AGBL1: variants seen among roughly 807,000 people sequenced by gnomAD.
The protein encoded by AGBL1 is AGBL carboxypeptidase 1, also known as cytosolic carboxypeptidase 4.
AGBL1 carries 130 observed loss-of-function variants against 118.9 expected under a neutral mutation model. The observed-to-expected ratio is 1.09, with a 90% confidence interval of 0.95 to 1.26. The LOEUF is 1.26. Ranked by LOEUF, AGBL1 falls within the 50% of genes most tolerant of loss-of-function variation. The probability of loss-of-function intolerance (pLI) is 0.00; values close to 1 mark genes in which losing one functional copy is unlikely to be tolerated. For synonymous variants in AGBL1, 555 were observed against 478.9 expected (o/e 1.16, Z -2.08); for missense variants, 1,584 against 1,298.1 (o/e 1.22, Z -3.38).
intron 16 of AGBL1, among the ~76,000 whole-genome samples, chr15:86,286,360 T>G (rs924942563): frequency 1.3e-5 from 2 of 152,054 alleles, no homozygotes; most frequent in African/African-American, 4.8e-5. Flanking sequence ...TTCTGTGTAT[T>G]ATTATAAGCT....
In AGBL1 at chr15:86,264,263, G is replaced by A. The variant is rs1428451964; in HGVS notation, c.1092G>A (p.Leu364=). Residue 364 remains leucine (L), a synonymous_variant, in exon 11 of 23, where the codon CTG becomes CTA. Transcript: ENST00000614907. Reference sequence around the variant, plus strand: ...ATTCCATTTTGAACCTGAAGGAACTGCAGTCCAAACTTGGAGATGATTTGA... The same window carrying A: ...ATTCCATTTTGAACCTGAAGGAACTACAGTCCAAACTTGGAGATGATTTGA... The part of the protein sequence containing the change: ...CLELSYSFEE[L]QSKLGDDLNS... The A allele has an allele frequency of 6.3e-7, 1 of 1,590,150 alleles. No homozygotes were observed.
Position 86,477,371 on chromosome 15 carries a change from T to C in AGBL1, c.2556-45439T>C, listed in dbSNP as rs557020641. 3.3e-5 allele frequency among the ~76,000 whole-genome samples: 5 copies of C among 152,134 alleles called. No homozygotes were observed. In the South Asian group the frequency reaches 8.3e-4, roughly 25 times the overall value. The stretch of plus-strand genomic sequence containing the variant: ...AAGAAGAAAAGAGAGAAGAATCAAA[T>C]AGACGCAATAAAAAATGATAAAGGG... On this transcript the variant is annotated intron_variant, in intron 18 of 22. Coordinates refer to ENST00000614907, the MANE Select transcript of AGBL1 (RefSeq NM_001386094.1).
chr15:86,543,568 G>T (rs2083534302), intron 19 of AGBL1, among the ~76,000 whole-genome samples: 1 of 152,336 alleles, frequency 6.6e-6, no homozygotes, highest in Middle Eastern at 3.4e-3. Context: ...GAAGTTAGAG[G>T]CTTTGCCTTA....
rs151130166 is a variant in AGBL1 at position 86,506,860 on chromosome 15, C to T, written c.2556-15950C>T. 1.1e-3 allele frequency among the ~76,000 whole-genome samples: 173 copies of T among 152,036 alleles called. 1 individual carries two copies. Among genetic ancestry groups the T allele is most frequent in the South Asian group, 0.011 (51 of 4,808 alleles). Reference sequence around the variant, plus strand: ...AGATTTTCTCACCTTTAATGGAGAGCAACAAAGAAGGAAAGCAGGTATCAT... The same window carrying T: ...AGATTTTCTCACCTTTAATGGAGAGTAACAAAGAAGGAAAGCAGGTATCAT... On this transcript the variant is annotated intron_variant, in intron 18 of 22. Transcript: ENST00000614907.
chr15:86,137,327 G>C (rs969135080), intron 1 of AGBL1, among the ~76,000 whole-genome samples: 1 of 152,196 alleles, frequency 6.6e-6, no homozygotes, highest in Non-Finnish European at 1.5e-5. Context: ...TCTCTGGTTT[G>C]TTTGTGAAAC....
In AGBL1 at chr15:86,538,041, G is replaced by A. The variant is rs181975928; in HGVS notation, c.2686-7961G>A. Among the ~76,000 whole-genome samples the A allele has an allele frequency of 1.2e-3, 188 of 152,310 alleles. 1 individual carries two copies. Among genetic ancestry groups the A allele is most frequent in the African/African-American group, 4.4e-3 (181 of 41,582 alleles). On this transcript the variant is annotated intron_variant, in intron 19 of 22. Transcript: ENST00000614907. ...AAAGAACATTATAATACATGCTGCT[G>A]AGGTGAGATGGCCAAAAACGTCCTT...
chr15:86,663,658 A>G (rs1457993403), intron 21 of AGBL1, among the ~76,000 whole-genome samples: 1 of 152,002 alleles, frequency 6.6e-6, no homozygotes, highest in Non-Finnish European at 1.5e-5. Context: ...GAAAAGAGAG[A>G]GGGAATCTGG....
At chr15:86,638,261 A>G (rs1208829016) in intron 21 of AGBL1, among the ~76,000 whole-genome samples, 1 of 152,246 alleles carries the variant, frequency 6.6e-6, no homozygotes, top group Non-Finnish European at 1.5e-5. Flanking sequence ...TGTAGTGACC[A>G]GATGGATGTG....
rs371408489 is a variant in AGBL1, at chr15:86,711,742, G to T, written c.3158+37306G>T. On this transcript the variant is annotated intron_variant, in intron 22 of 22. Transcript: ENST00000614907. ...CATGCTTATTCACATGCTATTGCCT[G>T]TGGCTGCTTTGCTGCTACAGTGGCA... 6.6e-5 allele frequency among the ~76,000 whole-genome samples: 10 copies of T among 152,290 alleles called. 1 individual carries two copies. In the East Asian group the frequency reaches 1.7e-3, roughly 26 times the overall value.
rs1238284452 is a variant in AGBL1, at chr15:86,950,640, G to A, written c.3222-37347G>A. Among the ~76,000 whole-genome samples, 3 of 151,666 alleles carry A rather than the reference G, an allele frequency of 2.0e-5. No individual in the cohort carries two copies. The East Asian group carries it at 5.8e-4, about 29-fold the overall frequency. On this transcript the variant is annotated intron_variant, in intron 23 of 24. Coordinates refer to the AGBL1 transcript ENST00000441037. ...ATTAGAAACCACTGGAGGATGGAATGGAAAGTCAGAGTGAAATGTACTTGC... is the reference window on the plus strand; with the variant it reads ...ATTAGAAACCACTGGAGGATGGAATAGAAAGTCAGAGTGAAATGTACTTGC...
intron 6 of AGBL1, among the ~76,000 whole-genome samples, chr15:86,230,628 C>A (rs1480969329): frequency 6.6e-6 from 1 of 152,158 alleles, no homozygotes; most frequent in African/African-American, 2.4e-5. Flanking sequence ...CAGATGAGGG[C>A]CATGGAGTCA....
chr15:86,727,505 A>G (rs2086838545), intron 22 of AGBL1, among the ~76,000 whole-genome samples: 1 of 152,182 alleles, frequency 6.6e-6, no homozygotes, highest in Non-Finnish European at 1.5e-5. Context: ...GCTGGATAAA[A>G]GAAATGTATA....
At chr15:86,421,660 T>A (rs528048089) in intron 18 of AGBL1, among the ~76,000 whole-genome samples, 2 of 152,006 alleles carry the variant, frequency 1.3e-5, no homozygotes, top group African/African-American at 4.8e-5. Context: ...GACTGGCAAA[T>A]TGGATAAAGA....
intron 17 of AGBL1, among the ~76,000 whole-genome samples, chr15:86,362,339 T>C (rs2080817278): frequency 6.6e-6 from 1 of 152,218 alleles, no homozygotes; most frequent in African/African-American, 2.4e-5. Flanking sequence ...TATTACACCA[T>C]TGCAATTTTA....
At chr15:86,430,733 G>C (rs2081926176) in intron 18 of AGBL1, among the ~76,000 whole-genome samples, 2 of 152,156 alleles carry the variant, frequency 1.3e-5, no homozygotes, top group African/African-American at 2.4e-5. Flanking sequence ...ACAGTCCACA[G>C]GTGATAATTG....
At chr15:86,229,417 A>C (rs2078419876) in intron 6 of AGBL1, among the ~76,000 whole-genome samples, 1 of 152,166 alleles carries the variant, frequency 6.6e-6, no homozygotes, top group Non-Finnish European at 1.5e-5. Flanking sequence ...ACATCTCATG[A>C]GAACTCACTC....
At chr15:86,202,878 TA>T (rs915281950) in intron 5 of AGBL1, among the ~76,000 whole-genome samples, 24 of 152,164 alleles carry the variant, frequency 1.6e-4, no homozygotes, top group African/African-American at 5.8e-4. Context: ...TGGAGGGGTT[TA>T]AGATTGCATA....
rs146204936 is a variant in AGBL1, at chr15:86,602,655, T to G, written c.2994+48118T>G. Among the ~76,000 whole-genome samples, 42 of 152,276 alleles carry G rather than the reference T, an allele frequency of 2.8e-4. No individual in the cohort carries two copies. In the East Asian group the frequency reaches 4.8e-3, roughly 18 times the overall value. ...AGTTAACAATAGGATTGTGAAATCA[T>G]AATTATGATTTAGTGGAATGGGTTG... On this transcript the variant is annotated intron_variant, in intron 21 of 22. Transcript: ENST00000614907.
At chr15:86,676,604 CAA>C (rs1567116839) in intron 22 of AGBL1, among the ~76,000 whole-genome samples, 1 of 152,056 alleles carries the variant, frequency 6.6e-6, no homozygotes, top group African/African-American at 2.4e-5. Flanking sequence ...TATTGTAATA[CAA>C]AGAGTGTAAC....
Sources: allele counts gnomAD v4.1 joint callset (sites outside exome capture counted in the v4.1 genomes callset), GRCh38; gene constraint gnomAD v4.1.1; transcripts MANE v1.5; gene names NCBI Gene and HGNC (gene_info 2026-07-23, HGNC 2026-07-21).